The following ITGA4 variants were observed in gnomAD, a reference collection of about 807,000 sequenced individuals.
The protein encoded by ITGA4 is integrin subunit alpha 4, also known as integrin alpha-4.
A neutral mutation model predicts 133.6 loss-of-function variants in ITGA4; 63 were observed. That is an observed-to-expected ratio of 0.47 (90% CI 0.38 to 0.58). The LOEUF is 0.58. Among genes scored for constraint, ITGA4 ranks in the 20% least tolerant of loss-of-function variants. ITGA4 has a pLI of 0.00. For synonymous variants in ITGA4, 483 were observed against 438.0 expected, an observed-to-expected ratio of 1.10 and a Z score of -1.28; for missense variants, 1,076 against 1,252.7, an observed-to-expected ratio of 0.86 and a Z score of 2.13.
chr2:181,461,241 C>A (rs997960013), intron 2 of ITGA4, among the ~76,000 whole-genome samples: 2 of 148,408 alleles, frequency 1.3e-5, no homozygotes, highest in East Asian at 2.0e-4. Flanking sequence ...GCATGAGATA[C>A]CCCTTTTAGT....
rs568877448 is a variant in ITGA4 at position 181,495,537 on chromosome 2, T to C, written c.1385+121T>C. ...GATGCTCTTTTGGTATTCTGAAGCTTAATTATTGATTTTTAGGGTATTTTT... is the reference window on the plus strand; with the variant it reads ...GATGCTCTTTTGGTATTCTGAAGCTCAATTATTGATTTTTAGGGTATTTTT... On this transcript the variant is annotated intron_variant, in intron 13 of 27. Transcript: ENST00000397033. This position sits in a 1 kb window ranked among gnomAD's most constrained non-coding sequence, Gnocchi z 4.3. 1 of 795,920 alleles carries C rather than the reference T, an allele frequency of 1.3e-6. No homozygotes were observed. The highest frequency in any genetic ancestry group is 1.7e-5 in the African/African-American group (1 of 58,092). 49.3% of individuals were successfully genotyped at this position (795,920 alleles called of 1,614,324 possible).
At chr2:181,509,958 T>C (rs2105756311) in intron 16 of ITGA4, 151 bp downstream of exon 16, 1 of 588,450 alleles carries the variant, frequency 1.7e-6, no homozygotes, top group South Asian at 2.1e-5. Flanking sequence ...TTCTTTAAAT[T>C]GTTTATATTC....
intron 25 of ITGA4, 122 bp from the exon 26 acceptor site, chr2:181,534,150 A>T: frequency 1.6e-6 from 1 of 612,448 alleles, no homozygotes; most frequent in Non-Finnish European, 2.9e-6. Flanking sequence ...AGTTAATTTT[A>T]AGTGGTGAAA....
intron 21 of ITGA4, 46 bp from the exon 22 acceptor site, chr2:181,527,251 G>T (rs116758093): frequency 2.7e-6 from 3 of 1,098,828 alleles, no homozygotes; most frequent in Non-Finnish European, 4.2e-6. Context: ...TTTATAATAC[G>T]TCATCGAATA....
Position 181,495,935 on chromosome 2 carries a change from T to C in ITGA4, c.1538T>C (p.Ile513Thr). Residue 513 changes from isoleucine (I) to threonine (T), a missense_variant and splice_region_variant, in exon 14 of 28, where the codon ATT (isoleucine) becomes ACT (threonine). By Grantham distance (89) the Ile-to-Thr change is moderately conservative. Around this residue, in one of 4 missense-constraint regions of ITGA4, gnomAD observed 436 missense variants for 590.7 expected, o/e 0.74. Coordinates refer to ENST00000397033, the MANE Select transcript of ITGA4 (RefSeq NM_000885.6). The surrounding 1 kb of genome is among the most constrained non-coding windows in gnomAD (Gnocchi z 4.3). ...SYKGKEVPGY[I>T]VLFYNMSLDV... ...AAGGGCAAGGAAGTTCCAGGTTACA[T>C]TGGTGGGTATGCCCTACAATATTAA... 1.2e-6 allele frequency: 2 copies of C among 1,613,668 alleles called. No homozygotes were observed. Among genetic ancestry groups the C allele is most frequent in the South Asian group, 2.2e-5 (2 of 91,022 alleles).
At position 181,523,312 on chromosome 2, in the gene ITGA4, A is replaced by G; in HGVS notation, c.2074-125A>G. On this transcript the variant is annotated intron_variant, in intron 18 of 27. Transcript: ENST00000397033. The surrounding 1 kb of genome is among the most constrained non-coding windows in gnomAD (Gnocchi z 4.2). Reference sequence around the variant, plus strand: ...ATTTATCTCAAACATATAAATAGAAAATAGTTTTCCTAGAAAAGCAAATAC... The same window carrying G: ...ATTTATCTCAAACATATAAATAGAAGATAGTTTTCCTAGAAAAGCAAATAC... The G allele has an allele frequency of 1.7e-6, 1 of 603,038 alleles. No individual in the cohort carries two copies. Among genetic ancestry groups the G allele is most frequent in the Non-Finnish European group, 3.0e-6 (1 of 336,482 alleles). The allele number at this position is 603,038 out of a possible 1,614,324, so 37.4% of individuals were successfully genotyped here. A position where few individuals can be genotyped will look rare whatever the true frequency, so the allele number is the denominator to read the frequency against.
chr2:181,477,801 A>C (rs1425010564), intron 4 of ITGA4, among the ~76,000 whole-genome samples: 4 of 152,130 alleles, frequency 2.6e-5, no homozygotes. Flanking sequence ...TACTCAAATT[A>C]AAAATAAAAC....
intron 15 of ITGA4, 25 bp downstream of exon 15, chr2:181,498,802 T>C (rs770292176): frequency 1.9e-6 from 3 of 1,567,372 alleles, no homozygotes; most frequent in Non-Finnish European, 2.6e-6. Flanking sequence ...TTTTTATTAA[T>C]GAATATGTGA....
intron 14 of ITGA4, 49 bp from the exon 15 acceptor site, chr2:181,498,574 A>T: frequency 8.6e-7 from 1 of 1,158,268 alleles, no homozygotes; most frequent in Non-Finnish European, 1.3e-6. Flanking sequence ...AAATAACAAT[A>T]GATGTATTTC....
intron 15 of ITGA4, among the ~76,000 whole-genome samples, chr2:181,499,512 A>G (rs987167098): frequency 6.6e-6 from 1 of 152,176 alleles, no homozygotes; most frequent in Non-Finnish European, 1.5e-5. Flanking sequence ...AACTATTCCC[A>G]GGAGCCCTTT....
At chr2:181,471,644 C>T (rs952951905) in intron 2 of ITGA4, among the ~76,000 whole-genome samples, 23 of 152,138 alleles carry the variant, frequency 1.5e-4, no homozygotes, top group African/African-American at 5.6e-4. Flanking sequence ...TTTGGAACCA[C>T]ATTGTAACAG....
intron 17 of ITGA4, among the ~76,000 whole-genome samples, chr2:181,514,665 G>A (rs1251483088): frequency 6.6e-6 from 1 of 151,986 alleles, no homozygotes; most frequent in Non-Finnish European, 1.5e-5. Flanking sequence ...CTGTGTGGGG[G>A]AAATCTTTTC....
rs565725836 is a variant in ITGA4, at chr2:181,538,784, C to G, written c.*3257C>G. ...CCACTAAAAGATTTAAGATCTTGATCCATTTTTAAAAATCCAAAATGGAAG... is the reference window on the plus strand; with the variant it reads ...CCACTAAAAGATTTAAGATCTTGATGCATTTTTAAAAATCCAAAATGGAAG... On this transcript the variant is annotated 3_prime_UTR_variant, in exon 28 of 28. Coordinates refer to ENST00000397033, the MANE Select transcript of ITGA4 (RefSeq NM_000885.6). 1.5e-4 allele frequency among the ~76,000 whole-genome samples: 23 copies of G among 152,226 alleles called. No homozygotes were observed. The highest frequency in any genetic ancestry group is 1.5e-3 in the Admixed American group (23 of 15,284).
At chr2:181,477,593 G>A (rs958553890) in intron 4 of ITGA4, among the ~76,000 whole-genome samples, 1 of 151,946 alleles carries the variant, frequency 6.6e-6, no homozygotes, top group African/African-American at 2.4e-5. Context: ...AGATGAAAAG[G>A]TGCTTAACAT....
Position 181,529,523 on chromosome 2 carries a change from A to T in ITGA4, c.2431-18A>T, listed in dbSNP as rs200809450. The T allele has an allele frequency of 4.6e-6, 6 of 1,301,226 alleles. No homozygotes were observed. The Admixed American group carries it at 5.4e-5, about 12-fold the overall frequency. 80.6% of individuals were successfully genotyped at this position (1,301,226 alleles called of 1,614,324 possible). On this transcript the variant is annotated intron_variant, in intron 22 of 27. Coordinates refer to ENST00000397033, the MANE Select transcript of ITGA4 (RefSeq NM_000885.6). The stretch of plus-strand genomic sequence containing the variant: ...TAGAAAACATTTAATTTGTTAAAAA[A>T]TTTTTCCTTCTTATCAGGTTATCAA...
intron 17 of ITGA4, among the ~76,000 whole-genome samples, chr2:181,519,713 G>A (rs1021106433): frequency 6.6e-6 from 1 of 152,076 alleles, no homozygotes; most frequent in African/African-American, 2.4e-5. Flanking sequence ...TGTCTGGATG[G>A]GGGTACAGAT....
At chr2:181,507,863 T>C (rs1194475227) in intron 15 of ITGA4, among the ~76,000 whole-genome samples, 1 of 152,124 alleles carries the variant, frequency 6.6e-6, no homozygotes, top group Non-Finnish European at 1.5e-5. Context: ...AACCGATGGG[T>C]ACAGAGGGCT....
rs957879057 is a variant in ITGA4 at position 181,495,189 on chromosome 2, T to G, written c.1340-182T>G. 6.6e-6 allele frequency among the ~76,000 whole-genome samples: 1 copy of G among 152,252 alleles called. No homozygotes were observed. The highest frequency in any genetic ancestry group is 1.5e-5 in the Non-Finnish European group (1 of 68,042). ...TGATATATCATAATGGGATGAATGT[T>G]GTACATGAATAGATTCAGAGAAAAG... On this transcript the variant is annotated intron_variant, in intron 12 of 27. Transcript: ENST00000397033. This position sits in a 1 kb window ranked among gnomAD's most constrained non-coding sequence, Gnocchi z 4.3.
At chr2:181,490,079 C>A (rs1686013992) in intron 10 of ITGA4, among the ~76,000 whole-genome samples, 1 of 152,088 alleles carries the variant, frequency 6.6e-6, no homozygotes, top group Non-Finnish European at 1.5e-5. Flanking sequence ...TAGATCGGAA[C>A]AAAACAGGAT....
Sources: gnomAD v4.1 joint callset for allele counts (sites outside exome capture counted in the v4.1 genomes callset) on GRCh38, gnomAD v4.1.1 for gene constraint, gnomAD v4.1.1 regional missense constraint, Gnocchi (gnomAD v3.1) non-coding constraint, MANE v1.5 for transcripts, NCBI Gene and HGNC (gene_info 2026-07-23, HGNC 2026-07-21) for gene names.